The following CDK19 variants were observed in gnomAD, a reference collection of about 807,000 sequenced individuals.
CDK19 encodes the protein cyclin-dependent kinase 19.
Under a neutral mutation model 68.3 loss-of-function variants are expected in CDK19, and 20 were observed. That is an observed-to-expected ratio of 0.29 (90% CI 0.21 to 0.43). The LOEUF (loss-of-function observed/expected upper bound fraction) is 0.43, where lower values mean the gene tolerates loss of function less well. Among genes scored for constraint, CDK19 ranks in the 20% least tolerant of loss-of-function variants. The pLI is 1.00. For missense variants in CDK19, 339 were observed against 623.5 expected (o/e 0.54, Z 4.86); for synonymous variants, 221 against 222.8 (o/e 0.99, Z 0.07).
At chr6:110,808,878 T>C (rs1433627883) in intron 1 of CDK19, among the ~76,000 whole-genome samples, 1 of 152,224 alleles carries the variant, frequency 6.6e-6, no homozygotes, top group East Asian at 1.9e-4. Context: ...TTCTCAAAAA[T>C]ATGCCTATTT....
intron 2 of CDK19, among the ~76,000 whole-genome samples, chr6:110,715,520 G>A (rs9372265): frequency 0.16 from 23,841 of 151,722 alleles, 2,088 homozygotes; most frequent in East Asian, 0.32. Flanking sequence ...GAGACTAGTC[G>A]CTCTGTTGCC....
At chr6:110,614,706 G>A in intron 12 of CDK19, 40 bp from the exon 13 acceptor site, 2 of 1,608,274 alleles carry the variant, frequency 1.2e-6, no homozygotes, top group Non-Finnish European at 1.7e-6. Context: ...ACTGATGGAG[G>A]AAGAGGATGA....
At chr6:110,775,949 C>A (rs1780365502) in intron 1 of CDK19, among the ~76,000 whole-genome samples, 1 of 152,186 alleles carries the variant, frequency 6.6e-6, no homozygotes. Context: ...ACATCAGGCA[C>A]TTAATCCCTC....
chr6:110,656,711 CAGG>C (rs1781327687), intron 4 of CDK19, among the ~76,000 whole-genome samples: 1 of 152,214 alleles, frequency 6.6e-6, no homozygotes, highest in Admixed American at 6.5e-5. Context: ...CTTTGTCTTT[CAGG>C]AGTAGTTACT....
intron 2 of CDK19, among the ~76,000 whole-genome samples, chr6:110,691,925 C>T (rs1283425826): frequency 3.3e-5 from 5 of 150,474 alleles, no homozygotes; most frequent in Non-Finnish European, 5.9e-5. Context: ...AGATTACAGG[C>T]GTGAGCCACT....
chr6:110,703,128 T>G (rs1774146565), intron 2 of CDK19, among the ~76,000 whole-genome samples: 1 of 152,158 alleles, frequency 6.6e-6, no homozygotes, highest in Admixed American at 6.5e-5. Flanking sequence ...ATCCATCTAT[T>G]CAGTTGAAAC....
chr6:110,614,325 A>C lies in CDK19; in HGVS notation c.*210T>G. ...AGTCACAATGGAACACATGCAGGGA[A>C]GGGGTGCTGGGGAAACTTCACAAGA... On this transcript the variant is annotated 3_prime_UTR_variant, in exon 13 of 13. Coordinates refer to ENST00000368911, the MANE Select transcript of CDK19 (RefSeq NM_015076.5). The C allele has an allele frequency of 2.3e-6, 1 of 429,966 alleles. No homozygotes were observed. The highest frequency in any genetic ancestry group is 3.2e-5 in the East Asian group (1 of 30,788). 26.6% of individuals were successfully genotyped at this position (429,966 alleles called of 1,614,324 possible).
At position 110,625,217 on chromosome 6, in the gene CDK19, C is replaced by A. The variant is rs12173633; in HGVS notation, c.860+1559G>T. On this transcript the variant is annotated intron_variant, in intron 8 of 12. Coordinates refer to ENST00000368911, the MANE Select transcript of CDK19 (RefSeq NM_015076.5). ...GAAATGAAGGTTCTCAGTTCTCACC[C>A]CTGATTCTGACTCAGAATCTACATT... Among the ~76,000 whole-genome samples the A allele has an allele frequency of 0.021, 3,204 of 152,274 alleles. 342 individuals carry two copies. The East Asian group carries it at 0.34, about 16-fold the overall frequency.
chr6:110,680,500 A>C (rs1253566159), intron 2 of CDK19, among the ~76,000 whole-genome samples: 1 of 152,244 alleles, frequency 6.6e-6, no homozygotes. Context: ...ACCTCTGTTT[A>C]CTGAAAAAAA....
intron 1 of CDK19, among the ~76,000 whole-genome samples, chr6:110,748,741 C>A (rs9487510): frequency 0.014 from 2,102 of 152,330 alleles, 52 homozygotes; most frequent in African/African-American, 0.048. Context: ...AATGATTAGG[C>A]ACATGAGACA....
intron 4 of CDK19, among the ~76,000 whole-genome samples, chr6:110,650,382 G>A (rs1403313034): frequency 6.6e-6 from 1 of 152,080 alleles, no homozygotes; most frequent in African/African-American, 2.4e-5. Flanking sequence ...TCTTATGCAT[G>A]CTACTGGTAA....
At chr6:110,802,586 T>G (rs896024111) in intron 1 of CDK19, among the ~76,000 whole-genome samples, 8 of 152,228 alleles carry the variant, frequency 5.3e-5, no homozygotes, top group African/African-American at 1.4e-4. Flanking sequence ...TGTTCACTAT[T>G]TGGTGATGGG....
intron 4 of CDK19, chr6:110,645,656 T>C: frequency 3.1e-6 from 1 of 322,318 alleles, no homozygotes; most frequent in South Asian, 3.0e-5. Flanking sequence ...AGCCCAGAAA[T>C]CCAGGGGTGG....
chr6:110,815,323 A>C lies in CDK19; in HGVS notation c.-187T>G, dbSNP rs1783553969. 2 of 484,732 alleles carry C rather than the reference A, an allele frequency of 4.1e-6. No individual in the cohort carries two copies. The highest frequency in any genetic ancestry group is 5.5e-5 in the South Asian group (1 of 18,278). 30.0% of individuals were successfully genotyped at this position (484,732 alleles called of 1,614,324 possible). A position where few individuals can be genotyped will look rare whatever the true frequency, so the allele number is the denominator to read the frequency against. On this transcript the variant is annotated 5_prime_UTR_variant, in exon 1 of 13. Coordinates refer to ENST00000368911, the MANE Select transcript of CDK19 (RefSeq NM_015076.5). ...GGACTCCTCGGCGGCCACAGCAGCC[A>C]CCTCCTCCACCTCTTCCTCCTCCTC...
At chr6:110,635,691 C>T (rs567174787) in intron 5 of CDK19, among the ~76,000 whole-genome samples, 192 of 152,236 alleles carry the variant, frequency 1.3e-3, no homozygotes, top group Admixed American at 2.3e-3. Flanking sequence ...AGGCACGCAC[C>T]ACCACGCCCA....
chr6:110,767,654 C>A (rs1779689568), intron 1 of CDK19, among the ~76,000 whole-genome samples: 1 of 151,784 alleles, frequency 6.6e-6, no homozygotes, highest in South Asian at 2.1e-4. Context: ...CAGCACCCAG[C>A]CATGAAGAGA....
At chr6:110,742,164 T>C (rs1777727688) in intron 2 of CDK19, among the ~76,000 whole-genome samples, 1 of 152,174 alleles carries the variant, frequency 6.6e-6, no homozygotes, top group Non-Finnish European at 1.5e-5. Flanking sequence ...GGAACATAAA[T>C]TGTGAAGATT....
Position 110,759,399 on chromosome 6 carries a change from C to T in CDK19, c.129-13198G>A, listed in dbSNP as rs188792846. On this transcript the variant is annotated intron_variant, in intron 1 of 12. Coordinates refer to ENST00000368911, the MANE Select transcript of CDK19 (RefSeq NM_015076.5). ...CAGCCTGGGCAACAGAGTGAGACTC[C>T]GTCTTAAAAAAAAAAAAAAAAAAAA... Among the ~76,000 whole-genome samples, 606 of 90,898 alleles carry T rather than the reference C, an allele frequency of 6.7e-3. 26 individuals carry two copies. The East Asian group carries it at 0.16, about 24-fold the overall frequency. 59.6% of individuals were successfully genotyped at this position (90,898 alleles called of 152,430 possible).
chr6:110,753,587 T>A (rs1778629727), intron 1 of CDK19, among the ~76,000 whole-genome samples: 1 of 151,256 alleles, frequency 6.6e-6, no homozygotes, highest in Admixed American at 6.6e-5. Context: ...GGTCTCACTA[T>A]GTTTCCCAGG....
Sources: allele counts gnomAD v4.1 joint callset (sites outside exome capture counted in the v4.1 genomes callset), GRCh38; gene constraint gnomAD v4.1.1; transcripts MANE v1.5; gene names NCBI Gene and HGNC (gene_info 2026-07-23, HGNC 2026-07-21).